Variants in OTOGL observed in about 807,000 individuals in gnomAD.
OTOGL encodes otogelin like.
In OTOGL, 285 loss-of-function variants were observed where a neutral mutation model predicts 318.5. The ratio of observed to expected loss-of-function variants is 0.89; its 90% CI spans 0.81 to 0.99. The LOEUF (loss-of-function observed/expected upper bound fraction) is 0.99, where lower values mean the gene tolerates loss of function less well. OTOGL is among the 50% of genes least tolerant of loss of function. OTOGL has a pLI of 0.00. For missense variants in OTOGL, 2,899 were observed against 2,845.6 expected (o/e 1.02, Z -0.43); for synonymous variants, 987 against 936.5 (o/e 1.05, Z -0.99).
rs190825766 is a variant in OTOGL, at chr12:80,373,974, C to T, written c.6781+1910C>T. Among the ~76,000 whole-genome samples, 490 of 152,112 alleles carry T rather than the reference C, an allele frequency of 3.2e-3. 2 individuals carry two copies. Among genetic ancestry groups the T allele is most frequent in the Non-Finnish European group, 5.0e-3 (337 of 68,014 alleles). ...TTTTATTTACATAATGTCTAAAAAG[C>T]CAAACTCAATGCACACATACACACC... is the stretch of plus-strand genomic sequence containing the variant. On this transcript the variant is annotated intron_variant, in intron 57 of 58. Coordinates refer to ENST00000547103, the MANE Select transcript of OTOGL (RefSeq NM_001378609.3).
rs147868429 is a variant in OTOGL, at chr12:80,336,221, C to T, written c.4600+81C>T. The T allele has an allele frequency of 7.2e-6, 10 of 1,390,592 alleles. No homozygotes were observed. The African/African-American group carries it at 1.0e-4, about 14-fold the overall frequency. The allele number at this position is 1,390,592 out of a possible 1,614,324, so 86.1% of individuals were successfully genotyped here. A position where few individuals can be genotyped will look rare whatever the true frequency, so the allele number is the denominator to read the frequency against. On this transcript the variant is annotated intron_variant, in intron 39 of 58. Transcript: ENST00000547103. ...ATTGTTACTTTTTTGAACCTTTCAC[C>T]TCATCAAGCCAAAGTTACTGTTTTT...
chr12:80,170,971 T>G (rs969095763), intron 1 of OTOGL, among the ~76,000 whole-genome samples: 7 of 152,230 alleles, frequency 4.6e-5, no homozygotes. Flanking sequence ...AGATTTTCTC[T>G]CTTGTTTTCT....
intron 11 of OTOGL, among the ~76,000 whole-genome samples, chr12:80,242,488 G>A (rs1370297731): frequency 5.3e-5 from 8 of 152,108 alleles, no homozygotes; most frequent in Non-Finnish European, 2.9e-5. Context: ...TTCAGGGCTA[G>A]ACCTATTTAC....
chr12:80,223,072 G>C (rs1878506445), intron 7 of OTOGL, among the ~76,000 whole-genome samples: 1 of 151,868 alleles, frequency 6.6e-6, no homozygotes, highest in African/African-American at 2.4e-5. Context: ...AGTCCATTGT[G>C]TAATTCTTAT....
rs948539259 is a variant in OTOGL at position 80,305,569 on chromosome 12, A to G, written c.3214-7A>G. 1.2e-5 allele frequency: 18 copies of G among 1,521,956 alleles called. No homozygotes were observed. In the African/African-American group the frequency reaches 2.2e-4, roughly 19 times the overall value. The allele number at this position is 1,521,956 out of a possible 1,614,324, so 94.3% of individuals were successfully genotyped here. ...GAATATTTCCTGGTGATTTTCTCTT[A>G]CTTTAGAACAAGCTATCAGGATTGT... On this transcript the variant is annotated splice_polypyrimidine_tract_variant and splice_region_variant and intron_variant, in intron 28 of 58. Coordinates refer to ENST00000547103, the MANE Select transcript of OTOGL (RefSeq NM_001378609.3).
intron 55 of OTOGL, 62 bp downstream of exon 55, chr12:80,368,371 G>T: frequency 1.6e-6 from 2 of 1,264,040 alleles, no homozygotes; most frequent in Non-Finnish European, 2.2e-6. Context: ...TTGAGTCAAA[G>T]TTTGGAAAAT....
At chr12:80,367,175 A>G (rs1436635395) in intron 53 of OTOGL, among the ~76,000 whole-genome samples, 1 of 142,068 alleles carries the variant, frequency 7.0e-6, no homozygotes, top group Non-Finnish European at 1.5e-5. Flanking sequence ...GGGTCTTGCT[A>G]TGTTTCCCAG....
chr12:80,265,235 A>C, intron 20 of OTOGL, 25 bp downstream of exon 20: 1 of 1,588,452 alleles, frequency 6.3e-7, no homozygotes, highest in Non-Finnish European at 8.6e-7. Flanking sequence ...ACAGATAAAG[A>C]CTATCAGATA....
At position 80,365,703 on chromosome 12, in the gene OTOGL, A is replaced by T. The variant is rs983902956; in HGVS notation, c.6268-871A>T. ...TGAAATATCAAATGAATTAGTGTCCATAAGACTACTTTACAACTTACAAGG... is the reference window on the plus strand; with the variant it reads ...TGAAATATCAAATGAATTAGTGTCCTTAAGACTACTTTACAACTTACAAGG... On this transcript the variant is annotated intron_variant, in intron 52 of 58. Transcript: ENST00000547103. Among the ~76,000 whole-genome samples, 3 of 152,154 alleles carry T rather than the reference A, an allele frequency of 2.0e-5. No homozygotes were observed. The East Asian group carries it at 5.8e-4, about 29-fold the overall frequency.
At chr12:80,270,031 T>C in intron 22 of OTOGL, 71 bp from the exon 23 acceptor site, 1 of 1,167,064 alleles carries the variant, frequency 8.6e-7, no homozygotes, top group Non-Finnish European at 1.2e-6. Flanking sequence ...GTTAGATTGT[T>C]GTCGAAATTC....
At chr12:80,238,650 T>G (rs1880081305) in intron 9 of OTOGL, among the ~76,000 whole-genome samples, 1 of 152,212 alleles carries the variant, frequency 6.6e-6, no homozygotes, top group Non-Finnish European at 1.5e-5. Flanking sequence ...GAACTAACTT[T>G]TATTTGGTAC....
chr12:80,316,249 A>G (rs1247683036), intron 32 of OTOGL, among the ~76,000 whole-genome samples: 1 of 152,034 alleles, frequency 6.6e-6, no homozygotes, highest in Non-Finnish European at 1.5e-5. Flanking sequence ...GCACATTGTC[A>G]TCACAGGTTC....
In OTOGL at chr12:80,265,176, T is replaced by G; in HGVS notation, c.2190T>G (p.Val730=). ...HYAYLCGQHG[V]PIDFRTQISF... ...CCTACCTCTGCGGCCAGCACGGTGT[T>G]CCCATTGATTTCAGAACTCAGATTT... Residue 730 remains valine (V), a synonymous_variant, in exon 20 of 59, where the codon GTT becomes GTG. Transcript: ENST00000547103. 6.2e-7 allele frequency: 1 copy of G among 1,613,796 alleles called. No individual in the cohort carries two copies. The highest frequency in any genetic ancestry group is 1.3e-5 in the African/African-American group (1 of 75,056).
chr12:80,137,831 C>G (rs1226247026), intron 1 of OTOGL, among the ~76,000 whole-genome samples: 1 of 152,098 alleles, frequency 6.6e-6, no homozygotes, highest in African/African-American at 2.4e-5. Context: ...GGAGACTTCT[C>G]TATTAAAAAT....
At chr12:80,290,009 A>G (rs1592663236) in intron 26 of OTOGL, among the ~76,000 whole-genome samples, 1 of 152,072 alleles carries the variant, frequency 6.6e-6, no homozygotes, top group East Asian at 1.9e-4. Context: ...TGTGCTTGAA[A>G]CCTGGGGCCC....
At chr12:80,214,650 G>A (rs900760013) in intron 4 of OTOGL, among the ~76,000 whole-genome samples, 3 of 152,116 alleles carry the variant, frequency 2.0e-5, no homozygotes, top group Non-Finnish European at 4.4e-5. Context: ...TTTGAACCAT[G>A]TCTCTTTTTT....
chr12:80,126,006 A>AT (rs1447406852), intron 1 of OTOGL, among the ~76,000 whole-genome samples: 1 of 152,010 alleles, frequency 6.6e-6, no homozygotes, highest in Non-Finnish European at 1.5e-5. Flanking sequence ...GGAATCATTG[A>AT]TTTTTTGAAG....
At chr12:80,359,780 G>A (rs1890126940) in intron 52 of OTOGL, among the ~76,000 whole-genome samples, 1 of 151,944 alleles carries the variant, frequency 6.6e-6, no homozygotes, top group Admixed American at 6.5e-5. Context: ...TGATTATTTT[G>A]TGTGTACACT....
intron 7 of OTOGL, among the ~76,000 whole-genome samples, chr12:80,226,328 ATAGG>A (rs1327551885): frequency 2.0e-5 from 3 of 152,058 alleles, no homozygotes; most frequent in East Asian, 3.9e-4. Flanking sequence ...GCTGATCCCA[ATAGG>A]TTATGATGAT....
Sources: gnomAD v4.1 joint callset for allele counts (sites outside exome capture counted in the v4.1 genomes callset) on GRCh38, gnomAD v4.1.1 for gene constraint, MANE v1.5 for transcripts, NCBI Gene and HGNC (gene_info 2026-07-23, HGNC 2026-07-21) for gene names.